Variants in EXOSC9 observed in about 807,000 individuals in gnomAD.
The protein encoded by EXOSC9 is exosome complex component RRP45.
EXOSC9 carries 38 observed loss-of-function variants against 56.5 expected under a neutral mutation model. That is an observed-to-expected ratio of 0.67 (90% CI 0.52 to 0.88). The LOEUF (loss-of-function observed/expected upper bound fraction) is 0.88. EXOSC9 is among the 40% of genes least tolerant of loss of function. EXOSC9 has a pLI of 0.00. For synonymous variants in EXOSC9, 170 were observed against 170.8 expected (o/e 0.99, Z 0.04); for missense variants, 559 against 530.5 (o/e 1.05, Z -0.53).
intron 4 of EXOSC9, 138 bp downstream of exon 4, chr4:121,803,155 A>G (rs1193128447): frequency 9.4e-6 from 6 of 635,824 alleles, no homozygotes; most frequent in Non-Finnish European, 1.4e-5. Context: ...TTCTTGAGTG[A>G]TACCCTTAGA....
At chr4:121,804,475 A>G (rs1298860238) in intron 4 of EXOSC9, 147 bp from the exon 5 acceptor site, 6 of 495,920 alleles carry the variant, frequency 1.2e-5, no homozygotes, top group Non-Finnish European at 2.1e-5. Context: ...AATTTTCTAA[A>G]ATATATTTTT....
rs554284100 is a variant in EXOSC9 at position 121,816,992 on chromosome 4, G to A, written c.*136G>A. The A allele has an allele frequency of 1.7e-4, 159 of 910,560 alleles. 3 individuals carry two copies. In the South Asian group the frequency reaches 2.1e-3, roughly 12 times the overall value. The allele number at this position is 910,560 out of a possible 1,614,324, so 56.4% of individuals were successfully genotyped here. A position where few individuals can be genotyped will look rare whatever the true frequency, so the allele number is the denominator to read the frequency against. Reference sequence around the variant, plus strand: ...TTAAAAATAGTTTTTTGTTTTTAATGTGCTTTAAAATAATAAACCTTCTGG... The same window carrying A: ...TTAAAAATAGTTTTTTGTTTTTAATATGCTTTAAAATAATAAACCTTCTGG... On this transcript the variant is annotated 3_prime_UTR_variant, in exon 12 of 12. Coordinates refer to ENST00000243498, the MANE Select transcript of EXOSC9 (RefSeq NM_005033.3).
chr4:121,811,697 G>A, intron 8 of EXOSC9, 26 bp downstream of exon 8: 1 of 1,154,276 alleles, frequency 8.7e-7, no homozygotes, highest in Non-Finnish European at 1.2e-6. Flanking sequence ...AGAACTAAGT[G>A]GTCTTTTATT....
In EXOSC9 at chr4:121,814,184, T is replaced by A. The variant is rs1724386809; in HGVS notation, c.1156+137T>A. On this transcript the variant is annotated intron_variant, in intron 10 of 11. Coordinates refer to ENST00000243498, the MANE Select transcript of EXOSC9 (RefSeq NM_005033.3). ...AGTAATATATAGCATATTAGCTATA[T>A]AGAGATGTATAGTGGATAAATAACA... is the stretch of plus-strand genomic sequence containing the variant. 4 of 530,324 alleles carry A rather than the reference T, an allele frequency of 7.5e-6. No individual in the cohort carries two copies. The South Asian group carries it at 1.3e-4, about 17-fold the overall frequency. The allele number at this position is 530,324 out of a possible 1,614,324, so 32.9% of individuals were successfully genotyped here. A position where few individuals can be genotyped will look rare whatever the true frequency, so the allele number is the denominator to read the frequency against.
At chr4:121,815,895 G>T in intron 10 of EXOSC9, 1 of 1,177,166 alleles carries the variant, frequency 8.5e-7, no homozygotes, top group Non-Finnish European at 1.0e-6. Context: ...AGAGTTTAAA[G>T]AAACAAATGT....
intron 10 of EXOSC9, 108 bp downstream of exon 10, chr4:121,814,155 A>G: frequency 1.6e-6 from 1 of 642,082 alleles, no homozygotes; most frequent in Non-Finnish European, 2.6e-6. Flanking sequence ...TTATCACTGT[A>G]TATAGTAATA....
At chr4:121,812,477 CAT>C (rs1727239690) in intron 8 of EXOSC9, among the ~76,000 whole-genome samples, 1 of 152,056 alleles carries the variant, frequency 6.6e-6, no homozygotes, top group African/African-American at 2.4e-5. Context: ...ATTGAAAAAT[CAT>C]ATAAGATTTT....
rs973598170 is a variant in EXOSC9, at chr4:121,801,627, T to C, written c.66+137T>C. 5 of 875,722 alleles carry C rather than the reference T, an allele frequency of 5.7e-6. No individual in the cohort carries two copies. In the African/African-American group the frequency reaches 8.5e-5, roughly 15 times the overall value. The allele number at this position is 875,722 out of a possible 1,614,324, so 54.2% of individuals were successfully genotyped here. A position where few individuals can be genotyped will look rare whatever the true frequency, so the allele number is the denominator to read the frequency against. The stretch of plus-strand genomic sequence containing the variant: ...CGTTCACCCCATCCCTCAGGCTTTA[T>C]TTATTTTTTTTCGACAGGTTCTTTT... On this transcript the variant is annotated intron_variant, in intron 1 of 11. Coordinates refer to ENST00000243498, the MANE Select transcript of EXOSC9 (RefSeq NM_005033.3).
chr4:121,807,110 T>C (rs970474417), intron 5 of EXOSC9, among the ~76,000 whole-genome samples: 12 of 151,900 alleles, frequency 7.9e-5, no homozygotes, highest in Admixed American at 7.9e-4. Flanking sequence ...CTGACCAACA[T>C]GGAGAAACCC....
chr4:121,815,536 G>A (rs961382222), intron 10 of EXOSC9: 6 of 985,038 alleles, frequency 6.1e-6, no homozygotes, highest in African/African-American at 1.7e-5. Flanking sequence ...TAACTAATAA[G>A]CAGGAGAAAA....
Position 121,807,534 on chromosome 4 carries a change from A to G in EXOSC9, c.523-6A>G, listed in dbSNP as rs760095818. ...TATAATTATTAAACATTTTCTTTTG[A>G]AACAGTATACACCTGAAGAGCGTGA... On this transcript the variant is annotated splice_region_variant and splice_polypyrimidine_tract_variant and intron_variant, in intron 5 of 11. Transcript: ENST00000243498. 4 of 1,569,652 alleles carry G rather than the reference A, an allele frequency of 2.5e-6. No individual in the cohort carries two copies. The Admixed American group carries it at 6.9e-5, about 27-fold the overall frequency.
At chr4:121,804,100 A>G (rs1726948510) in intron 4 of EXOSC9, among the ~76,000 whole-genome samples, 1 of 152,094 alleles carries the variant, frequency 6.6e-6, no homozygotes, top group Non-Finnish European at 1.5e-5. Flanking sequence ...TCCTGGGCTC[A>G]AGAGATCCTC....
intron 8 of EXOSC9, 22 bp from the exon 9 acceptor site, chr4:121,813,212 C>A: frequency 3.2e-6 from 5 of 1,587,268 alleles, no homozygotes; most frequent in Non-Finnish European, 4.3e-6. Flanking sequence ...TTCCTTCCCA[C>A]CAAAAAAACC....
chr4:121,804,733 T>C lies in EXOSC9; in HGVS notation c.496T>C (p.Ser166Pro). 6.2e-7 allele frequency: 1 copy of C among 1,612,088 alleles called. No homozygotes were observed. The highest frequency in any genetic ancestry group is 1.1e-5 in the South Asian group (1 of 90,574). ...ALCHFRRPDV[S>P]VQGDEVTLYT... is the part of the protein sequence containing the mutation. ...ATGTCATTTCCGAAGACCTGATGTC[T>C]CTGTCCAAGGAGATGAAGTAACACT... is the stretch of plus-strand genomic sequence containing the variant. Residue 166 changes from serine (S) to proline (P), a missense_variant, in exon 5 of 12, where the codon TCT becomes CCT. Physicochemically the swap from Ser to Pro is moderately conservative, Grantham distance 74. Transcript: ENST00000243498.
chr4:121,813,949 C>G lies in EXOSC9; in HGVS notation c.1058C>G (p.Ser353Cys). 1 of 1,613,430 alleles carries G rather than the reference C, an allele frequency of 6.2e-7. No individual in the cohort carries two copies. The highest frequency in any genetic ancestry group is 8.5e-7 in the Non-Finnish European group (1 of 1,179,540). ...VENSWGDLED[S>C]EKEDDEGGGD... Reference sequence around the variant, plus strand: ...AACTCCTGGGGTGATCTTGAAGACTCTGAGAAGGAAGATGATGAAGGCGGT... The same window carrying G: ...AACTCCTGGGGTGATCTTGAAGACTGTGAGAAGGAAGATGATGAAGGCGGT... Residue 353 changes from serine (S) to cysteine (C), a missense_variant, in exon 10 of 12, where the codon TCT (serine) becomes TGT (cysteine). Coordinates refer to ENST00000243498, the MANE Select transcript of EXOSC9 (RefSeq NM_005033.3).
Position 121,802,927 on chromosome 4 carries a change from C to T in EXOSC9, c.294C>T (p.Leu98=), listed in dbSNP as rs1290657371. ...PAFEPGRQSD[L]LVKLNRLMER... ...TTTCTCCTTATAGGCAGTCAGATCTCTTGGTGAAGTTGAATCGACTCATGG... is the reference window on the plus strand; with the variant it reads ...TTTCTCCTTATAGGCAGTCAGATCTTTTGGTGAAGTTGAATCGACTCATGG... The change falls in exon 4 of 12, where the codon CTC becomes CTT. Residue 98 remains leucine, a synonymous_variant. Transcript: ENST00000243498. 1 of 1,613,716 alleles carries T rather than the reference C, an allele frequency of 6.2e-7. No individual in the cohort carries two copies. The highest frequency in any genetic ancestry group is 8.5e-7 in the Non-Finnish European group (1 of 1,179,796).
intron 2 of EXOSC9, 129 bp downstream of exon 2, chr4:121,802,050 ATTT>A (rs1726884808): frequency 1.5e-6 from 1 of 678,202 alleles, no homozygotes; most frequent in Non-Finnish European, 2.5e-6. Context: ...AAAAATAAGT[ATTT>A]TTTTATGCGA....
chr4:121,801,484 G>A lies in EXOSC9; in HGVS notation c.60G>A (p.Glu20=), dbSNP rs759566232. The change falls in exon 1 of 12, where the codon GAG becomes GAA. Residue 20 remains glutamate, a synonymous_variant. Coordinates refer to ENST00000243498, the MANE Select transcript of EXOSC9 (RefSeq NM_005033.3). ...GCTTCCTACTCCGTGCCATCGAAGA[G>A]AAGAAGGTATGGTTTGGTGCCCGCA... ...ERRFLLRAIE[E]KKRLDGRQTY... The A allele has an allele frequency of 1.4e-5, 23 of 1,614,094 alleles. No individual in the cohort carries two copies. Among genetic ancestry groups the A allele is most frequent in the African/African-American group, 4.0e-5 (3 of 74,934 alleles).
At chr4:121,803,074 C>T in intron 4 of EXOSC9, 57 bp downstream of exon 4, 1 of 1,180,718 alleles carries the variant, frequency 8.5e-7, no homozygotes, top group Non-Finnish European at 1.3e-6. Context: ...ATCATGGATC[C>T]CGGTATCTAT....
Sources: allele counts gnomAD v4.1 joint callset (sites outside exome capture counted in the v4.1 genomes callset), GRCh38; gene constraint gnomAD v4.1.1; transcripts MANE v1.5; gene names NCBI Gene and HGNC (gene_info 2026-07-23, HGNC 2026-07-21).